CSMD1: variants seen among roughly 807,000 people sequenced by gnomAD.
CSMD1 encodes CUB and sushi domain-containing protein 1.
Under a neutral mutation model 417.5 loss-of-function variants are expected in CSMD1, and 213 were observed. That is an observed-to-expected ratio of 0.51 (90% confidence interval 0.46 to 0.57). CSMD1 has a LOEUF of 0.57. Among genes scored for constraint, CSMD1 ranks in the 20% least tolerant of loss-of-function variants. CSMD1 has a pLI of 0.00. For synonymous variants in CSMD1, 2,862 were observed against 1,736.8 expected (o/e 1.65, Z -16.11); for missense variants, 6,923 against 4,529.7 (o/e 1.53, Z -15.17).
chr8:3,126,186 T>C lies in CSMD1; in HGVS notation c.6242-7599A>G, dbSNP rs544488373. On this transcript the variant is annotated intron_variant, in intron 41 of 69. Transcript: ENST00000635120. ...TTCATTCATGAAAGGAGACTAAATA[T>C]ACCCATCTATACAAGGGCCACAGAA... 6.6e-5 allele frequency among the ~76,000 whole-genome samples: 10 copies of C among 152,294 alleles called. No individual in the cohort carries two copies. In the South Asian group the frequency reaches 2.1e-3, roughly 32 times the overall value.
At chr8:3,641,120 T>C (rs941983507) in intron 7 of CSMD1, among the ~76,000 whole-genome samples, 5 of 151,470 alleles carry the variant, frequency 3.3e-5, no homozygotes, top group African/African-American at 1.2e-4. Flanking sequence ...ACTGAAGTTA[T>C]TGCAGAAGGT....
chr8:3,174,393 G>T (rs150305795), intron 37 of CSMD1, among the ~76,000 whole-genome samples: 16 of 152,246 alleles, frequency 1.1e-4, no homozygotes, highest in African/African-American at 2.6e-4. Flanking sequence ...TACTCCAAAG[G>T]CTGAGGTGGG....
At chr8:3,652,537 G>A (rs887874185) in intron 7 of CSMD1, among the ~76,000 whole-genome samples, 2 of 152,184 alleles carry the variant, frequency 1.3e-5, no homozygotes. Context: ...GCATGGCTGG[G>A]GAGGCCTCAC....
rs117352267 is a variant in CSMD1, at chr8:4,992,632, C to T, written c.85+1700G>A. ...CCAGCACACCTCACAGGGCACAACC[C>T]TCTTTTCCCTAGACTTTAGCTGCCT... On this transcript the variant is annotated intron_variant, in intron 1 of 69. Coordinates refer to ENST00000635120, the MANE Select transcript of CSMD1 (RefSeq NM_033225.6). Among the ~76,000 whole-genome samples, 566 of 152,336 alleles carry T rather than the reference C, an allele frequency of 3.7e-3. 1 individual carries two copies. The highest frequency in any genetic ancestry group is 6.4e-3 in the Non-Finnish European group (437 of 68,036).
chr8:4,827,561 T>C (rs946887385), intron 1 of CSMD1, among the ~76,000 whole-genome samples: 9 of 152,226 alleles, frequency 5.9e-5, no homozygotes, highest in Non-Finnish European at 1.0e-4. Context: ...AACAAGGCTT[T>C]GTTTATCAAT....
At chr8:4,140,500 A>G (rs1429439910) in intron 3 of CSMD1, among the ~76,000 whole-genome samples, 1 of 133,416 alleles carries the variant, frequency 7.5e-6, no homozygotes. Context: ...TCAAAAACAA[A>G]CAAACAAACA....
intron 5 of CSMD1, among the ~76,000 whole-genome samples, chr8:3,959,836 G>A (rs1201635804): frequency 1.3e-5 from 2 of 152,208 alleles, no homozygotes; most frequent in Non-Finnish European, 2.9e-5. Context: ...ACCAAGTGAT[G>A]TAGAGAAAAA....
chr8:3,907,010 G>A (rs867849459), intron 5 of CSMD1, among the ~76,000 whole-genome samples: 6 of 152,222 alleles, frequency 3.9e-5, no homozygotes, highest in African/African-American at 9.6e-5. Context: ...TCTTCATATT[G>A]CCCTTTCATA....
At chr8:3,886,890 T>C (rs562267060) in intron 5 of CSMD1, among the ~76,000 whole-genome samples, 1 of 152,200 alleles carries the variant, frequency 6.6e-6, no homozygotes, top group Non-Finnish European at 1.5e-5. Context: ...CGCATGGTAA[T>C]GATTCACTGA....
chr8:4,346,609 G>T (rs1266009896), intron 3 of CSMD1, among the ~76,000 whole-genome samples: 3 of 151,994 alleles, frequency 2.0e-5, no homozygotes, highest in Non-Finnish European at 2.9e-5. Flanking sequence ...ATCTTCAGCA[G>T]GAATCAAATT....
intron 21 of CSMD1, among the ~76,000 whole-genome samples, chr8:3,351,176 A>G (rs1808397297): frequency 1.3e-5 from 2 of 152,254 alleles, no homozygotes; most frequent in East Asian, 1.9e-4. Flanking sequence ...ATATGTAGCT[A>G]TAACTGAATG....
chr8:4,127,155 A>C (rs1802812616), intron 3 of CSMD1, among the ~76,000 whole-genome samples: 1 of 152,122 alleles, frequency 6.6e-6, no homozygotes. Flanking sequence ...CATCTGCTGC[A>C]GAAACAAAGG....
chr8:4,665,061 A>T (rs1319320337), intron 1 of CSMD1, among the ~76,000 whole-genome samples: 3 of 152,192 alleles, frequency 2.0e-5, no homozygotes, highest in Non-Finnish European at 4.4e-5. Context: ...TTTGCAGAAA[A>T]GGTATTAGTT....
chr8:4,424,350 G>A (rs886481044), intron 2 of CSMD1, among the ~76,000 whole-genome samples: 2 of 151,560 alleles, frequency 1.3e-5, no homozygotes, highest in African/African-American at 4.9e-5. Flanking sequence ...ACAACAAAAG[G>A]CAAACAATCC....
At chr8:3,918,785 C>T (rs1809012991) in intron 5 of CSMD1, among the ~76,000 whole-genome samples, 1 of 152,002 alleles carries the variant, frequency 6.6e-6, no homozygotes, top group South Asian at 2.1e-4. Context: ...AATGGAAAAC[C>T]AAACATTTTA....
intron 41 of CSMD1, among the ~76,000 whole-genome samples, chr8:3,120,444 A>G (rs1050256387): frequency 3.9e-5 from 6 of 152,194 alleles, no homozygotes; most frequent in Non-Finnish European, 7.3e-5. Flanking sequence ...GTTTGTCTTC[A>G]TTAACATTTG....
chr8:4,756,482 A>G (rs1585049581), intron 1 of CSMD1, among the ~76,000 whole-genome samples: 1 of 152,324 alleles, frequency 6.6e-6, no homozygotes, highest in East Asian at 1.9e-4. Flanking sequence ...TAAATTATAT[A>G]TAAATGTAAA....
chr8:4,282,332 C>G (rs566773474), intron 3 of CSMD1, among the ~76,000 whole-genome samples: 1 of 152,166 alleles, frequency 6.6e-6, no homozygotes, highest in African/African-American at 2.4e-5. Flanking sequence ...GGGTCAAGAT[C>G]ATAACACAGA....
chr8:3,690,799 G>C (rs926494385), intron 7 of CSMD1, among the ~76,000 whole-genome samples: 3 of 152,154 alleles, frequency 2.0e-5, no homozygotes, highest in African/African-American at 4.8e-5. Flanking sequence ...AAAAGGAATA[G>C]TCATATTCTA....
Sources: allele counts gnomAD v4.1 joint callset (sites outside exome capture counted in the v4.1 genomes callset), GRCh38; gene constraint gnomAD v4.1.1; transcripts MANE v1.5; gene names NCBI Gene and HGNC (gene_info 2026-07-23, HGNC 2026-07-21).